The following ACIN1 variants were observed in gnomAD, a reference collection of about 807,000 sequenced individuals.
ACIN1 encodes the protein apoptotic chromatin condensation inducer 1, also known as apoptotic chromatin condensation inducer in the nucleus.
ACIN1 carries 16 observed loss-of-function variants against 146.6 expected under a neutral mutation model. The observed-to-expected ratio is 0.11, with a 90% CI of 0.07 to 0.17. The LOEUF is 0.17. ACIN1 is among the 10% of genes least tolerant of loss of function. The pLI is 1.00. For missense variants in ACIN1, 1,357 were observed against 1,609.3 expected, an observed-to-expected ratio of 0.84 and a Z score of 2.68; for synonymous variants, 569 against 582.7, an observed-to-expected ratio of 0.98 and a Z score of 0.34.
At position 23,089,992 on chromosome 14, in the gene ACIN1, T is replaced by G. The variant is rs2048186814; in HGVS notation, c.426A>C (p.Arg142Ser). 6.2e-7 allele frequency: 1 copy of G among 1,611,906 alleles called. No homozygotes were observed. Among genetic ancestry groups the G allele is most frequent in the African/African-American group, 1.3e-5 (1 of 74,896 alleles). ...SLERPELELS[R>S]HSPRKSSSIS... Reference sequence around the variant, plus strand: ...GAGGGAGATACGTACTGGGCGAATGTCTGCTGAGCTCCAGCTCTGGTCTCT... The same window carrying G: ...GAGGGAGATACGTACTGGGCGAATGGCTGCTGAGCTCCAGCTCTGGTCTCT... Residue 142 changes from arginine to serine, a missense_variant, in exon 4 of 19, where the codon AGA becomes AGC. Transcript: ENST00000605057.
At position 23,088,096 on chromosome 14, in the gene ACIN1, T is replaced by C. The variant is rs184196021; in HGVS notation, c.436+1886A>G. Among the ~76,000 whole-genome samples the C allele has an allele frequency of 2.4e-3, 362 of 152,356 alleles. 2 individuals are homozygous for C. Among genetic ancestry groups the C allele is most frequent in the African/African-American group, 8.2e-3 (339 of 41,584 alleles). ...TGTTCTCTCTTCCTAACAGACTTTA[T>C]GCTGTGCTAACTCCCAATATACTCT... is the stretch of plus-strand genomic sequence containing the variant. On this transcript the variant is annotated intron_variant, in intron 4 of 18. Transcript: ENST00000605057.
intron 8 of ACIN1, 24 bp from the exon 9 acceptor site, chr14:23,069,641 T>TGGGGGGGGGGGGGGGGGGG: frequency 3.2e-6 from 1 of 309,212 alleles, no homozygotes; most frequent in Non-Finnish European, 5.7e-6. Flanking sequence ...GGAGTGGTGG[T>TGGGGGGGGGGGGGGGGGGG]GGGGGGGCGG....
At position 23,080,603 on chromosome 14, in the gene ACIN1, T is replaced by C. The variant is rs775601151; in HGVS notation, c.732A>G (p.Lys244=). Residue 244 remains lysine (K), a synonymous_variant, in exon 6 of 19, where the codon AAA becomes AAG. Coordinates refer to ENST00000605057, the MANE Select transcript of ACIN1 (RefSeq NM_001386863.1). Reference sequence around the variant, plus strand: ...TCTCTTCCCCTTCTTCCTTAAACTCTTTCAGGATTGGTGCCTCCCTAGATT... The same window carrying C: ...TCTCTTCCCCTTCTTCCTTAAACTCCTTCAGGATTGGTGCCTCCCTAGATT... ...GQKSREAPIL[K]EFKEEGEEIP... The C allele has an allele frequency of 6.2e-7, 1 of 1,614,146 alleles. No individual in the cohort carries two copies.
chr14:23,072,671 G>A (rs2047692785), intron 8 of ACIN1, among the ~76,000 whole-genome samples: 1 of 152,218 alleles, frequency 6.6e-6, no homozygotes, highest in Admixed American at 6.5e-5. Context: ...CCAAAGCTCA[G>A]TGTCTCGTGT....
At position 23,063,504 on chromosome 14, in the gene ACIN1, G is replaced by A. The variant is rs779687563; in HGVS notation, c.2669C>T (p.Pro890Leu). 2.5e-6 allele frequency: 4 copies of A among 1,614,070 alleles called. No individual in the cohort carries two copies. In the South Asian group the frequency reaches 3.3e-5, roughly 13 times the overall value. The change falls in exon 13 of 19, where the codon CCT becomes CTT. Residue 890 changes from proline to leucine, a missense_variant. Pro to Leu is a moderately conservative substitution (Grantham distance 98, BLOSUM62 -3). Coordinates refer to ENST00000605057, the MANE Select transcript of ACIN1 (RefSeq NM_001386863.1). The part of the protein sequence containing the change: ...EEEEKEPEAE[P>L]PVPPQVSVEV... ...TACTGACACCTGGGGAGGTACAGGA[G>A]GTTCTGCTTCAGGTTCCTTCTCTTC...
At chr14:23,065,845 C>CA (rs2047435843) in intron 10 of ACIN1, 121 bp downstream of exon 10, 1 of 863,086 alleles carries the variant, frequency 1.2e-6, no homozygotes, top group Non-Finnish European at 1.9e-6. Context: ...TTGCTAGGCA[C>CA]AAGGGGTGGG....
At position 23,078,964 on chromosome 14, in the gene ACIN1, C is replaced by G; in HGVS notation, c.1863G>C (p.Glu621Asp). Reference protein sequence around the residue: ...TETKDPSSGQEVATPPVPQLQ... With the variant: ...TETKDPSSGQDVATPPVPQLQ... ...GTTGTGGCACTGGTGGAGTTGCAAC[C>G]TCCTGACCAGAAGAGGGATCTTTGG... The change falls in exon 7 of 19, where the codon GAG becomes GAC. Residue 621 changes from glutamate to aspartate, a missense_variant. By Grantham distance (45) the Glu-to-Asp change is conservative. This residue lies in a region of ACIN1 where 771 missense variants were observed against 746.6 expected (regional missense o/e 1.03). Transcript: ENST00000605057. 1.2e-6 allele frequency: 2 copies of G among 1,614,216 alleles called. No homozygotes were observed. Among genetic ancestry groups the G allele is most frequent in the East Asian group, 2.2e-5 (1 of 44,890 alleles).
At chr14:23,078,764 G>A (rs1055259561) in intron 7 of ACIN1, 56 bp downstream of exon 7, 34 of 1,548,808 alleles carry the variant, frequency 2.2e-5, no homozygotes, top group Non-Finnish European at 3.0e-5. Context: ...AAAGACAAGA[G>A]GGAAGATCTT....
At chr14:23,077,947 T>G (rs2047842196) in intron 8 of ACIN1, 1 of 407,108 alleles carries the variant, frequency 2.5e-6, no homozygotes, top group Admixed American at 4.1e-5. Context: ...GAGTTTTCCT[T>G]GTGCCCTGAC....
rs780205857 is a variant in ACIN1 at position 23,059,483 on chromosome 14, A to C, written c.3526-9T>G. On this transcript the variant is annotated splice_polypyrimidine_tract_variant and intron_variant, in intron 18 of 18. Coordinates refer to ENST00000605057, the MANE Select transcript of ACIN1 (RefSeq NM_001386863.1). ...GCCTCTTTCTGAACGATCTGTAGCC[A>C]GGTAGGAAAGGCAGAGAATAGGCAG... The C allele has an allele frequency of 6.2e-7, 1 of 1,611,232 alleles. No individual in the cohort carries two copies. Among genetic ancestry groups the C allele is most frequent in the African/African-American group, 1.3e-5 (1 of 74,700 alleles).
At position 23,067,806 on chromosome 14, in the gene ACIN1, TA is replaced by T; in HGVS notation, c.2265+1669del. 1.0e-6 allele frequency: 1 copy of T among 985,836 alleles called. No homozygotes were observed. The highest frequency in any genetic ancestry group is 1.2e-6 in the Non-Finnish European group (1 of 829,948). The allele number at this position is 985,836 out of a possible 1,614,324, so 61.1% of individuals were successfully genotyped here. ...CCAGAGTCCCTTTCTCCTCTGCCTG[TA>T]ACTGGGGAGGGGGTCCTCTCACCGA... On this transcript the variant is annotated intron_variant, in intron 9 of 18. Coordinates refer to ENST00000605057, the MANE Select transcript of ACIN1 (RefSeq NM_001386863.1). This position sits in a 1 kb window ranked among gnomAD's most constrained non-coding sequence, Gnocchi z 4.6.
chr14:23,094,428 T>C lies in ACIN1; in HGVS notation c.138+547A>G, dbSNP rs902600531. 1.3e-5 allele frequency: 13 copies of C among 978,112 alleles called. No individual in the cohort carries two copies. The African/African-American group carries it at 1.9e-4, about 15-fold the overall frequency. The allele number at this position is 978,112 out of a possible 1,614,324, so 60.6% of individuals were successfully genotyped here. A position where few individuals can be genotyped will look rare whatever the true frequency, so the allele number is the denominator to read the frequency against. On this transcript the variant is annotated intron_variant, in intron 1 of 18. Transcript: ENST00000605057. ...CTTAACCACCCAAATTGCCACTAGA[T>C]GCCACTAAATTAGAGACCTCTCTCT...
rs116050755 is a variant in ACIN1, at chr14:23,074,256, G to A, written c.2123+3895C>T. 4.6e-3 allele frequency among the ~76,000 whole-genome samples: 692 copies of A among 150,884 alleles called. 2 individuals carry two copies. The highest frequency in any genetic ancestry group is 0.016 in the African/African-American group (660 of 41,190). Reference sequence around the variant, plus strand: ...CAATTCTGTGGGACCCAACAATTCCGAACATTTTATTTTCAGACAATAATG... The same window carrying A: ...CAATTCTGTGGGACCCAACAATTCCAAACATTTTATTTTCAGACAATAATG... On this transcript the variant is annotated intron_variant, in intron 8 of 18. Transcript: ENST00000605057.
At position 23,067,380 on chromosome 14, in the gene ACIN1, C is replaced by A; in HGVS notation, c.2266-1372G>T. ...GTATCTAGTCAACCGCCGGTCCAAT[C>A]AGAATGAGCCCTCCCTGCTAGGCGC... On this transcript the variant is annotated intron_variant, in intron 9 of 18. Transcript: ENST00000605057. The surrounding 1 kb of genome is among the most constrained non-coding windows in gnomAD (Gnocchi z 4.6). 26 of 985,530 alleles carry A rather than the reference C, an allele frequency of 2.6e-5. No homozygotes were observed. The highest frequency in any genetic ancestry group is 3.0e-5 in the Non-Finnish European group (25 of 829,934). The allele number at this position is 985,530 out of a possible 1,614,324, so 61.0% of individuals were successfully genotyped here.
chr14:23,061,235 A>C (rs1405010326), intron 17 of ACIN1, 51 bp from the exon 18 acceptor site: 1 of 1,613,766 alleles, frequency 6.2e-7, no homozygotes, highest in African/African-American at 1.3e-5. Context: ...CCTCTGTCCC[A>C]TCCCATCTGG....
rs1211504464 is a variant in ACIN1 at position 23,090,725 on chromosome 14, T to C, written c.205-92A>G. 12 of 908,834 alleles carry C rather than the reference T, an allele frequency of 1.3e-5. No individual in the cohort carries two copies. The South Asian group carries it at 1.5e-4, about 12-fold the overall frequency. 56.3% of individuals were successfully genotyped at this position (908,834 alleles called of 1,614,324 possible). ...CCATGGAGCAAAGGTCCACTCCTTA[T>C]AGTTGCGCCCAAGAAAGATAACTAA... On this transcript the variant is annotated intron_variant, in intron 2 of 18. Transcript: ENST00000605057.
intron 8 of ACIN1, among the ~76,000 whole-genome samples, chr14:23,073,746 T>C (rs1364308586): frequency 2.0e-5 from 3 of 152,308 alleles, no homozygotes; most frequent in Admixed American, 1.3e-4. Context: ...TCAAATAAAA[T>C]GCTCTGTTTA....
intron 8 of ACIN1, among the ~76,000 whole-genome samples, chr14:23,070,970 A>G (rs1246236500): frequency 1.3e-5 from 2 of 152,226 alleles, no homozygotes; most frequent in African/African-American, 4.8e-5. Context: ...ATGTGGGGCC[A>G]ATTAGAAACT....
intron 1 of ACIN1, chr14:23,094,371 G>T: frequency 1.7e-6 from 1 of 589,462 alleles, no homozygotes; most frequent in Non-Finnish European, 2.1e-6. Context: ...ATATCAACCT[G>T]CCTCGCCTCT....
Sources: gnomAD v4.1 joint callset for allele counts (sites outside exome capture counted in the v4.1 genomes callset) on GRCh38, gnomAD v4.1.1 for gene constraint, gnomAD v4.1.1 regional missense constraint, Gnocchi (gnomAD v3.1) non-coding constraint, MANE v1.5 for transcripts, NCBI Gene and HGNC (gene_info 2026-07-23, HGNC 2026-07-21) for gene names.